The following TMEM184B variants were observed in gnomAD, a reference collection of about 807,000 sequenced individuals.
TMEM184B encodes putative MAPK-activating protein FM08.
A neutral mutation model predicts 41.8 loss-of-function variants in TMEM184B; 17 were observed. The observed-to-expected ratio is 0.41, with a 90% confidence interval of 0.28 to 0.61. TMEM184B has a LOEUF of 0.61. Ranked by LOEUF, TMEM184B falls within the 20% of genes least tolerant of loss-of-function variation. The pLI is 0.34. For synonymous variants in TMEM184B, 240 were observed against 229.5 expected, an observed-to-expected ratio of 1.05 and a Z score of -0.41; for missense variants, 393 against 557.8, an observed-to-expected ratio of 0.70 and a Z score of 2.98.
intron 5 of TMEM184B, among the ~76,000 whole-genome samples, chr22:38,227,211 T>C (rs1285421451): frequency 6.6e-6 from 1 of 151,784 alleles, no homozygotes; most frequent in Non-Finnish European, 1.5e-5. Flanking sequence ...GGAGGAATGG[T>C]GTGGCAGGGC....
intron 1 of TMEM184B, among the ~76,000 whole-genome samples, chr22:38,265,636 A>G (rs1259482484): frequency 2.0e-5 from 3 of 152,226 alleles, no homozygotes; most frequent in African/African-American, 7.2e-5. Flanking sequence ...TTGAAATATA[A>G]CTTGCAAAGC....
At chr22:38,246,751 T>C (rs2092039445) in intron 2 of TMEM184B, 6 of 1,179,572 alleles carry the variant, frequency 5.1e-6, no homozygotes, top group Non-Finnish European at 5.4e-6. Context: ...ATGCTACTTT[T>C]AGGAAGCAGA....
At chr22:38,267,287 C>A (rs1322910045) in intron 1 of TMEM184B, among the ~76,000 whole-genome samples, 1 of 151,952 alleles carries the variant, frequency 6.6e-6, no homozygotes, top group Non-Finnish European at 1.5e-5. Flanking sequence ...GGTTTCCACC[C>A]CAGAGAAGGA....
chr22:38,238,829 C>A (rs2091842840), intron 3 of TMEM184B, among the ~76,000 whole-genome samples: 1 of 152,180 alleles, frequency 6.6e-6, no homozygotes. Context: ...TTGGCCATTA[C>A]AAGATCTGGG....
intron 1 of TMEM184B, among the ~76,000 whole-genome samples, chr22:38,268,375 A>AAC (rs2092473724): frequency 2.9e-5 from 1 of 35,040 alleles, no homozygotes; most frequent in Admixed American, 3.8e-4. Context: ...ACCCTGTCTC[A>AAC]AAAAAAAAAA....
chr22:38,231,438 T>A (rs961112065), intron 3 of TMEM184B, 104 bp from the exon 4 acceptor site: 4 of 954,306 alleles, frequency 4.2e-6, no homozygotes, highest in Non-Finnish European at 6.9e-6. Flanking sequence ...CAGCTGTGTG[T>A]GGCAACAGGG....
chr22:38,259,846 G>T (rs1224650787), intron 1 of TMEM184B, among the ~76,000 whole-genome samples: 2 of 152,102 alleles, frequency 1.3e-5, no homozygotes, highest in Non-Finnish European at 2.9e-5. Context: ...TGCGATCTCG[G>T]CTCACTGCAA....
At chr22:38,246,138 T>C in intron 2 of TMEM184B, 38 bp from the exon 3 acceptor site, 1 of 1,595,530 alleles carries the variant, frequency 6.3e-7, no homozygotes, top group Non-Finnish European at 8.5e-7. Context: ...GGGACCCTCC[T>C]GTCCACAGGG....
chr22:38,249,835 G>A (rs2092123328), intron 1 of TMEM184B, among the ~76,000 whole-genome samples: 1 of 152,224 alleles, frequency 6.6e-6, no homozygotes, highest in Non-Finnish European at 1.5e-5. Flanking sequence ...AGGCTGGTCA[G>A]TGCCATCCAG....
At position 38,221,507 on chromosome 22, in the gene TMEM184B, C is replaced by A; in HGVS notation, c.1186G>T (p.Glu396Ter). The A allele has an allele frequency of 6.2e-7, 1 of 1,613,096 alleles. No homozygotes were observed. Among genetic ancestry groups the A allele is most frequent in the Non-Finnish European group, 8.5e-7 (1 of 1,179,764 alleles). The change falls in exon 9 of 9, where the codon GAG (glutamate) becomes TAG (stop). Residue 396 changes from glutamate (E) to a stop codon, truncating the protein, a stop_gained. Coordinates refer to ENST00000361906, the MANE Select transcript of TMEM184B (RefSeq NM_012264.5). LOFTEE classifies it high-confidence loss of function. ...TCAGAGCTGAGCAGGAGAGTCTTCTCGTTGTCGCGGGCGCCACTGAGGCTG... is the reference window on the plus strand; with the variant it reads ...TCAGAGCTGAGCAGGAGAGTCTTCTAGTTGTCGCGGGCGCCACTGAGGCTG... ...SHSLSGARDN[E>*]KTLLLSSDDE...
At chr22:38,222,418 G>GC (rs986083689) in intron 8 of TMEM184B, 3 of 168,462 alleles carry the variant, frequency 1.8e-5, no homozygotes, top group African/African-American at 7.2e-5. Flanking sequence ...ACAGCACTGT[G>GC]CCCCCAGAAG....
chr22:38,245,345 G>A (rs2092000015), intron 3 of TMEM184B, among the ~76,000 whole-genome samples: 1 of 149,042 alleles, frequency 6.7e-6, no homozygotes, highest in African/African-American at 2.5e-5. Flanking sequence ...GCATTGAGAA[G>A]CGAGACCCAG....
intron 3 of TMEM184B, among the ~76,000 whole-genome samples, chr22:38,241,903 A>AAAAAAAAAAAAAAAAAAAC (rs2091917714): frequency 6.7e-6 from 1 of 149,884 alleles, no homozygotes; most frequent in Non-Finnish European, 1.5e-5. Flanking sequence ...AAAAAAAAAA[A>AAAAAAAAAAAAAAAAAAAC]AAAAGAACGA....
At chr22:38,259,169 CG>C (rs1042604140) in intron 1 of TMEM184B, among the ~76,000 whole-genome samples, 1 of 152,150 alleles carries the variant, frequency 6.6e-6, no homozygotes, top group African/African-American at 2.4e-5. Flanking sequence ...GAGTTTATTT[CG>C]GGAGCATCCC....
At chr22:38,251,430 C>T (rs968889708) in intron 1 of TMEM184B, among the ~76,000 whole-genome samples, 4 of 152,180 alleles carry the variant, frequency 2.6e-5, no homozygotes, top group Non-Finnish European at 5.9e-5. Context: ...TACTTAAAGC[C>T]GTATTCTGGC....
rs1602439085 is a variant in TMEM184B at position 38,246,114 on chromosome 22, T to G, written c.193-14A>C. The G allele has an allele frequency of 1.2e-6, 2 of 1,605,448 alleles. No homozygotes were observed. Among genetic ancestry groups the G allele is most frequent in the African/African-American group, 1.3e-5 (1 of 74,774 alleles). On this transcript the variant is annotated splice_polypyrimidine_tract_variant and intron_variant, in intron 2 of 8. Coordinates refer to ENST00000361906, the MANE Select transcript of TMEM184B (RefSeq NM_012264.5). ...GTGCATGTAGATCTGGGGGCAGAGGTGTGGGGTCAGCTGGGGACCCTCCTG... is the reference window on the plus strand; with the variant it reads ...GTGCATGTAGATCTGGGGGCAGAGGGGTGGGGTCAGCTGGGGACCCTCCTG...
At chr22:38,258,034 C>CT (rs2092311929) in intron 1 of TMEM184B, among the ~76,000 whole-genome samples, 1 of 152,188 alleles carries the variant, frequency 6.6e-6, no homozygotes, top group Admixed American at 6.5e-5. Flanking sequence ...TACAGCCTAC[C>CT]TGCCAGTGAG....
chr22:38,241,081 G>C (rs1265578236), intron 3 of TMEM184B, among the ~76,000 whole-genome samples: 2 of 152,128 alleles, frequency 1.3e-5, no homozygotes, highest in African/African-American at 2.4e-5. Flanking sequence ...CAGGAGAAGC[G>C]GTTTCCAGGC....
intron 1 of TMEM184B, among the ~76,000 whole-genome samples, chr22:38,253,789 AT>A (rs1426554511): frequency 1.3e-5 from 2 of 152,234 alleles, no homozygotes; most frequent in Admixed American, 6.5e-5. Flanking sequence ...ATAAACTGCA[AT>A]ATAAGAAAAG....
Sources: allele counts gnomAD v4.1 joint callset (sites outside exome capture counted in the v4.1 genomes callset), GRCh38; gene constraint gnomAD v4.1.1; transcripts MANE v1.5; gene names NCBI Gene and HGNC (gene_info 2026-07-23, HGNC 2026-07-21).